Variants in EMG1 observed in about 807,000 individuals in gnomAD.
The protein encoded by EMG1 is EMG1 N1-specific pseudouridine methyltransferase, also known as ribosomal RNA small subunit methyltransferase NEP1.
Under a neutral mutation model 26.9 loss-of-function variants are expected in EMG1, and 24 were observed. The observed-to-expected ratio is 0.89, with a 90% CI of 0.65 to 1.26. EMG1 has a LOEUF of 1.26. EMG1 is among the 50% of genes most tolerant of loss of function. The probability of loss-of-function intolerance (pLI) is 0.00; values close to 1 mark genes in which losing one functional copy is unlikely to be tolerated. For synonymous variants in EMG1, 140 were observed against 112.6 expected (o/e 1.24, Z -1.54); for missense variants, 299 against 307.6 (o/e 0.97, Z 0.21).
intron 7 of EMG1, chr12:6,988,019 C>T (rs991967161): frequency 2.6e-6 from 1 of 389,526 alleles, no homozygotes; most frequent in Non-Finnish European, 4.5e-6. Flanking sequence ...TTACGGCAGG[C>T]CTTAGAAACC....
chr12:6,994,794 G>A (rs1198334407), intron 7 of EMG1, among the ~76,000 whole-genome samples: 1 of 152,152 alleles, frequency 6.6e-6, no homozygotes, highest in East Asian at 1.9e-4. Flanking sequence ...TCTGGCATGG[G>A]TTGGCTGACT....
downstream of EMG1, among the ~76,000 whole-genome samples, chr12:6,984,388 C>T (rs1946501625): frequency 6.6e-6 from 1 of 152,196 alleles, no homozygotes; most frequent in African/African-American, 2.4e-5. Flanking sequence ...TTAGCACATT[C>T]CATGGCTTTA....
At chr12:6,993,046 G>A (rs1410717106), downstream of EMG1, among the ~76,000 whole-genome samples, 6 of 152,044 alleles carry the variant, frequency 3.9e-5, no homozygotes, top group African/African-American at 1.4e-4. Flanking sequence ...CAAATATGGA[G>A]GGCTGACTAT....
At position 6,975,459 on chromosome 12, in the gene EMG1, A is replaced by G. The variant is rs918785648; in HGVS notation, c.621+81A>G. 32 of 1,394,384 alleles carry G rather than the reference A, an allele frequency of 2.3e-5. No individual in the cohort carries two copies. The East Asian group carries it at 5.7e-4, about 25-fold the overall frequency. The allele number at this position is 1,394,384 out of a possible 1,614,324, so 86.4% of individuals were successfully genotyped here. On this transcript the variant is annotated intron_variant, in intron 5 of 5. Transcript: ENST00000599672. ...TCCCAGAGCAGTAGGCATTTTAACA[A>G]TGCTTACAATGAGCTAGAAGACACA... is the stretch of plus-strand genomic sequence containing the variant.
intron 1 of EMG1, among the ~76,000 whole-genome samples, chr12:6,972,277 A>G (rs58788584): frequency 0.07 from 10,644 of 152,196 alleles, 480 homozygotes; most frequent in African/African-American, 0.11. Flanking sequence ...TTGAAACTGT[A>G]TTATTCATTC....
chr12:6,985,163 G>A (rs1283615701), intron 6 of EMG1, among the ~76,000 whole-genome samples: 2 of 151,222 alleles, frequency 1.3e-5, no homozygotes, highest in African/African-American at 2.4e-5. Flanking sequence ...AGGCTGAGAC[G>A]GGCGGATCAT....
chr12:6,983,642 A>G (rs75408212), downstream of EMG1: 24 of 651,914 alleles, frequency 3.7e-5, no homozygotes, highest in Non-Finnish European at 8.1e-6. Context: ...AGGGAGAGAG[A>G]AAAAAAAAAC....
rs1555153456 is a variant in EMG1 at position 6,977,567 on chromosome 12, A to G, written c.*1758A>G. ...AGCTCATCAGCATCTTGTCCCTTAT[A>G]TTCCCCTTCACCCCCACCCTGGAGG... On this transcript the variant is annotated 3_prime_UTR_variant, in exon 6 of 6. Coordinates refer to ENST00000599672, the MANE Select transcript of EMG1 (RefSeq NM_006331.8). The surrounding 1 kb of genome is among the most constrained non-coding windows in gnomAD (Gnocchi z 4.5). The G allele has an allele frequency of 6.2e-7, 1 of 1,614,034 alleles. No individual in the cohort carries two copies. The highest frequency in any genetic ancestry group is 8.5e-7 in the Non-Finnish European group (1 of 1,179,998).
At position 6,975,990 on chromosome 12, in the gene EMG1, G is replaced by A. The variant is rs1459836064; in HGVS notation, c.*181G>A. 1 of 566,386 alleles carries A rather than the reference G, an allele frequency of 1.8e-6. No individual in the cohort carries two copies. The highest frequency in any genetic ancestry group is 1.9e-5 in the African/African-American group (1 of 53,334). 35.1% of individuals were successfully genotyped at this position (566,386 alleles called of 1,614,324 possible). A position where few individuals can be genotyped will look rare whatever the true frequency, so the allele number is the denominator to read the frequency against. ...CTGTTCTTGCAAACCTGGTTGTTTT[G>A]GGGTTCCTAAAGTATCCAGTGGTGT... On this transcript the variant is annotated 3_prime_UTR_variant, in exon 6 of 6. Transcript: ENST00000599672.
intron 1 of EMG1, among the ~76,000 whole-genome samples, chr12:6,973,095 C>A (rs1200149739): frequency 2.0e-5 from 3 of 151,982 alleles, no homozygotes; most frequent in Non-Finnish European, 2.9e-5. Context: ...CCACCTCGGC[C>A]TCCTAAAGTG....
At chr12:6,992,324 C>CAA (rs1234943370), downstream of EMG1, among the ~76,000 whole-genome samples, 1 of 132,516 alleles carries the variant, frequency 7.5e-6, no homozygotes. Flanking sequence ...GACCCTGCCT[C>CAA]AAAAAAAAAA....
At chr12:6,975,500 C>G in intron 5 of EMG1, 122 bp downstream of exon 5, 1 of 1,169,690 alleles carries the variant, frequency 8.5e-7, no homozygotes, top group Non-Finnish European at 1.2e-6. Context: ...GTTCCACACC[C>G]TGCCCCAGGG....
At position 6,975,844 on chromosome 12, in the gene EMG1, T is replaced by C; in HGVS notation, c.*35T>C. The stretch of plus-strand genomic sequence containing the variant: ...AACCTGTTCTGAAACCAGAAACTGT[T>C]GATGTCACATCCTTTGACCCTGGTC... On this transcript the variant is annotated 3_prime_UTR_variant, in exon 6 of 6. Coordinates refer to ENST00000599672, the MANE Select transcript of EMG1 (RefSeq NM_006331.8). 8.3e-7 allele frequency: 1 copy of C among 1,202,976 alleles called. No homozygotes were observed. The highest frequency in any genetic ancestry group is 1.2e-6 in the Non-Finnish European group (1 of 806,350). The allele number at this position is 1,202,976 out of a possible 1,614,324, so 74.5% of individuals were successfully genotyped here.
At chr12:6,986,748 G>A (rs1946529905) in intron 6 of EMG1, among the ~76,000 whole-genome samples, 1 of 139,232 alleles carries the variant, frequency 7.2e-6, no homozygotes, top group South Asian at 2.3e-4. Flanking sequence ...GCAGTGAGCA[G>A]AGAGAGCCAC....
downstream of EMG1, among the ~76,000 whole-genome samples, chr12:6,993,145 T>C (rs782233297): frequency 1.3e-5 from 2 of 152,080 alleles, no homozygotes; most frequent in Non-Finnish European, 2.9e-5. Flanking sequence ...TTTTAGTATA[T>C]TCAAAAGGTT....
rs978034351 is a variant in EMG1, at chr12:6,978,013, C to T, written c.*2204C>T. ...GCTGAGATCAGTGGTGAACCAGACA[C>T]TCTACTCAAGCTGCCCACACTCTAG... On this transcript the variant is annotated 3_prime_UTR_variant, in exon 6 of 6. Transcript: ENST00000599672. The T allele has an allele frequency of 3.5e-6, 2 of 564,072 alleles. No homozygotes were observed. Among genetic ancestry groups the T allele is most frequent in the Non-Finnish European group, 6.3e-6 (2 of 316,420 alleles). The allele number at this position is 564,072 out of a possible 1,614,324, so 34.9% of individuals were successfully genotyped here.
downstream of EMG1, chr12:6,982,601 C>T (rs79788039): frequency 2.4e-3 from 2,654 of 1,121,548 alleles, 45 homozygotes; most frequent in African/African-American, 0.033. Flanking sequence ...ATTTCTATAC[C>T]ACAGTCCCCT....
At chr12:6,990,158 A>G (rs1183203854), downstream of EMG1, among the ~76,000 whole-genome samples, 3 of 151,694 alleles carry the variant, frequency 2.0e-5, no homozygotes, top group South Asian at 4.2e-4. Context: ...AGCCTGGGCA[A>G]CAAAGTTGTT....
intron 1 of EMG1, 73 bp downstream of exon 1, chr12:6,971,164 C>T (rs1946321526): frequency 7.8e-7 from 1 of 1,287,910 alleles, no homozygotes; most frequent in Non-Finnish European, 1.1e-6. Context: ...GTAAGGGGCC[C>T]AGAGTGGATG....
Sources: gnomAD v4.1 joint callset for allele counts (sites outside exome capture counted in the v4.1 genomes callset) on GRCh38, gnomAD v4.1.1 for gene constraint, Gnocchi (gnomAD v3.1) non-coding constraint, MANE v1.5 for transcripts, NCBI Gene and HGNC (gene_info 2026-07-23, HGNC 2026-07-21) for gene names.